The following TBC1D4 variants were observed in gnomAD, a reference collection of about 807,000 sequenced individuals.
TBC1D4 encodes TBC (Tre-2, BUB2, CDC16) domain-containing protein.
A neutral mutation model predicts 142.5 loss-of-function variants in TBC1D4; 121 were observed. That is an observed-to-expected ratio of 0.85 (90% CI 0.73 to 0.99). The LOEUF (loss-of-function observed/expected upper bound fraction) is 0.99, where lower values mean the gene tolerates loss of function less well. Ranked by LOEUF, TBC1D4 falls within the 50% of genes least tolerant of loss-of-function variation. TBC1D4 has a pLI of 0.00. For missense variants in TBC1D4, 1,475 were observed against 1,606.6 expected, an observed-to-expected ratio of 0.92 and a Z score of 1.40; for synonymous variants, 630 against 628.2, an observed-to-expected ratio of 1.00 and a Z score of -0.04.
intron 1 of TBC1D4, among the ~76,000 whole-genome samples, chr13:75,363,908 G>A (rs1882736996): frequency 6.6e-6 from 1 of 152,174 alleles, no homozygotes; most frequent in Non-Finnish European, 1.5e-5. Flanking sequence ...AGTTTATTTT[G>A]CCAAGGTTAA....
At position 75,284,581 on chromosome 13, in the gene TBC1D4, A is replaced by G. The variant is rs1874507774; in HGVS notation, c.*2211T>C. The stretch of plus-strand genomic sequence containing the variant: ...ACCACTGCTGTGCAGCCTGGTTCAT[A>G]ACAGGCCACAGACAGGTACCCAGGG... On this transcript the variant is annotated 3_prime_UTR_variant, in exon 21 of 21. Transcript: ENST00000377636. 1 of 152,228 alleles carries G rather than the reference A, an allele frequency of 6.6e-6. No homozygotes were observed. The highest frequency in any genetic ancestry group is 6.5e-5 in the Admixed American group (1 of 15,282). 9.4% of individuals were successfully genotyped at this position (152,228 alleles called of 1,614,324 possible). A position where few individuals can be genotyped will look rare whatever the true frequency, so the allele number is the denominator to read the frequency against.
rs1478234406 is a variant in TBC1D4 at position 75,306,343 on chromosome 13, T to C, written c.2722A>G (p.Met908Val). 1.9e-6 allele frequency: 3 copies of C among 1,612,584 alleles called. No individual in the cohort carries two copies. Among genetic ancestry groups the C allele is most frequent in the Non-Finnish European group, 2.5e-6 (3 of 1,179,722 alleles). Residue 908 changes from methionine to valine, a missense_variant, in exon 15 of 21, where the codon ATG becomes GTG. This residue lies in a region of TBC1D4 where 1,227 missense variants were observed against 1,267.7 expected (regional missense o/e 0.97). Coordinates refer to ENST00000377636, the MANE Select transcript of TBC1D4 (RefSeq NM_014832.5). Reference sequence around the variant, plus strand: ...TTAAGAAGAGTATGAATATCTTCCATATCACATCTGATTTTAGCTCTGCAG... The same window carrying C: ...TTAAGAAGAGTATGAATATCTTCCACATCACATCTGATTTTAGCTCTGCAG... ...LNCRAKIRCD[M>V]EDIHTLLKEG...
At chr13:75,478,924 G>A (rs1227465044) in intron 1 of TBC1D4, among the ~76,000 whole-genome samples, 1 of 152,214 alleles carries the variant, frequency 6.6e-6, no homozygotes, top group Non-Finnish European at 1.5e-5. Flanking sequence ...TCTCTCAGAT[G>A]TGTATTGTTT....
At chr13:75,336,101 T>C (rs956533465) in intron 8 of TBC1D4, among the ~76,000 whole-genome samples, 1 of 152,168 alleles carries the variant, frequency 6.6e-6, no homozygotes, top group South Asian at 2.1e-4. Context: ...CAAACTTATT[T>C]TGAAAGATCA....
At chr13:75,292,829 T>C (rs568175855) in intron 18 of TBC1D4, among the ~76,000 whole-genome samples, 2 of 152,226 alleles carry the variant, frequency 1.3e-5, no homozygotes, top group South Asian at 2.1e-4. Flanking sequence ...CCTGCTTTCC[T>C]ACAAATACAA....
chr13:75,372,505 AGTG>A lies in TBC1D4; in HGVS notation c.499-9901_499-9899del, dbSNP rs57218041. Among the ~76,000 whole-genome samples, 171 of 152,272 alleles carry A rather than the reference AGTG, an allele frequency of 1.1e-3. 1 individual carries two copies. The highest frequency in any genetic ancestry group is 3.8e-3 in the African/African-American group (159 of 41,542). ...GGCTGGTCTCAAACTCCTGACCTCA[AGTG>A]ATCTGCCTGCCTCAGCCTCCCAAAG... is the stretch of plus-strand genomic sequence containing the variant. On this transcript the variant is annotated intron_variant, in intron 1 of 20. Transcript: ENST00000377636.
chr13:75,386,009 G>C (rs940405964), intron 1 of TBC1D4, among the ~76,000 whole-genome samples: 3 of 152,132 alleles, frequency 2.0e-5, no homozygotes, highest in Non-Finnish European at 4.4e-5. Flanking sequence ...CTATGAACCT[G>C]AACAATTTAT....
chr13:75,428,285 A>G (rs1217384276), intron 1 of TBC1D4, among the ~76,000 whole-genome samples: 1 of 152,170 alleles, frequency 6.6e-6, no homozygotes, highest in Non-Finnish European at 1.5e-5. Flanking sequence ...CTTTTGTAAC[A>G]TTCTATGCTA....
intron 4 of TBC1D4, among the ~76,000 whole-genome samples, chr13:75,352,571 C>T (rs1320322581): frequency 1.3e-5 from 2 of 151,716 alleles, no homozygotes; most frequent in Non-Finnish European, 2.9e-5. Context: ...GTTGGTTAAA[C>T]AAGATGAAGC....
chr13:75,290,433 T>C (rs1317944251), intron 19 of TBC1D4, among the ~76,000 whole-genome samples: 1 of 152,136 alleles, frequency 6.6e-6, no homozygotes, highest in Non-Finnish European at 1.5e-5. Context: ...ATTCTACTCA[T>C]TAATCCCAAT....
At chr13:75,481,209 G>T in intron 1 of TBC1D4, 61 bp downstream of exon 1, 1 of 731,676 alleles carries the variant, frequency 1.4e-6, no homozygotes, top group Non-Finnish European at 2.2e-6. Context: ...CGCCCCTCCC[G>T]CCCTGCTCCC....
chr13:75,373,533 G>C (rs1883331545), intron 1 of TBC1D4, among the ~76,000 whole-genome samples: 2 of 152,106 alleles, frequency 1.3e-5, no homozygotes, highest in South Asian at 4.1e-4. Flanking sequence ...TGTGGGTGAA[G>C]GAAAGGCACT....
intron 1 of TBC1D4, among the ~76,000 whole-genome samples, chr13:75,457,273 A>C (rs1212065897): frequency 6.6e-6 from 1 of 152,222 alleles, no homozygotes; most frequent in Non-Finnish European, 1.5e-5. Context: ...ATTAATTAAT[A>C]CTGACAGACC....
intron 1 of TBC1D4, among the ~76,000 whole-genome samples, chr13:75,368,406 C>T (rs535449865): frequency 8.5e-5 from 13 of 152,302 alleles, no homozygotes; most frequent in African/African-American, 2.6e-4. Flanking sequence ...TTTTGATCCT[C>T]GGGCTATGAG....
intron 8 of TBC1D4, among the ~76,000 whole-genome samples, chr13:75,335,105 G>A (rs965265062): frequency 2.0e-5 from 3 of 152,018 alleles, no homozygotes; most frequent in Non-Finnish European, 4.4e-5. Flanking sequence ...GTGAATGCTC[G>A]CTCCCCTCCA....
chr13:75,386,033 A>G (rs1450597009), intron 1 of TBC1D4, among the ~76,000 whole-genome samples: 1 of 152,194 alleles, frequency 6.6e-6, no homozygotes, highest in East Asian at 1.9e-4. Context: ...ATTTTTATAA[A>G]CATCATAAGT....
At chr13:75,475,465 T>G (rs900654687) in intron 1 of TBC1D4, among the ~76,000 whole-genome samples, 1 of 152,222 alleles carries the variant, frequency 6.6e-6, no homozygotes, top group African/African-American at 2.4e-5. Context: ...AGCCTTGAGG[T>G]TTTTTTAAGT....
intron 1 of TBC1D4, among the ~76,000 whole-genome samples, chr13:75,447,007 T>C (rs1243123358): frequency 6.6e-6 from 1 of 152,198 alleles, no homozygotes; most frequent in South Asian, 2.1e-4. Flanking sequence ...ATATTATAGA[T>C]TGAAGGCTAA....
intron 1 of TBC1D4, among the ~76,000 whole-genome samples, chr13:75,391,402 C>T (rs532479860): frequency 6.6e-6 from 1 of 152,118 alleles, no homozygotes; most frequent in East Asian, 1.9e-4. Flanking sequence ...CAATTACTCC[C>T]GCCACCCCAG....
Sources: gnomAD v4.1 joint callset for allele counts (sites outside exome capture counted in the v4.1 genomes callset) on GRCh38, gnomAD v4.1.1 for gene constraint, gnomAD v4.1.1 regional missense constraint, MANE v1.5 for transcripts, NCBI Gene and HGNC (gene_info 2026-07-23, HGNC 2026-07-21) for gene names.